FBXW11: variants seen among roughly 807,000 people sequenced by gnomAD.
The protein encoded by FBXW11 is F-box and WD repeat domain containing 11.
In FBXW11, 19 loss-of-function variants were observed where a neutral mutation model predicts 77.6. The ratio of observed to expected loss-of-function variants is 0.24; its 90% CI spans 0.17 to 0.36. The LOEUF (loss-of-function observed/expected upper bound fraction) is 0.36, where lower values mean the gene tolerates loss of function less well. Ranked by LOEUF, FBXW11 falls within the 10% of genes least tolerant of loss-of-function variation. The probability of loss-of-function intolerance (pLI) is 1.00; values close to 1 mark genes in which losing one functional copy is unlikely to be tolerated. For missense variants in FBXW11, 334 were observed against 704.2 expected (o/e 0.47, Z 5.95); for synonymous variants, 235 against 249.4 (o/e 0.94, Z 0.54).
intron 7 of FBXW11, among the ~76,000 whole-genome samples, chr5:171,885,074 A>AGG (rs1372133604): frequency 6.6e-6 from 1 of 152,162 alleles, no homozygotes; most frequent in Non-Finnish European, 1.5e-5. Flanking sequence ...CAAATGGATG[A>AGG]GGGGGCTGGA....
chr5:171,895,545 A>G (rs890552086), intron 6 of FBXW11, among the ~76,000 whole-genome samples: 19 of 152,206 alleles, frequency 1.2e-4, no homozygotes, highest in Non-Finnish European at 2.4e-4. Flanking sequence ...GGAGGCGTTA[A>G]TGCAATGAAT....
chr5:171,945,537 G>T (rs926804737), intron 2 of FBXW11, among the ~76,000 whole-genome samples: 4 of 152,144 alleles, frequency 2.6e-5, no homozygotes, highest in African/African-American at 9.7e-5. Flanking sequence ...AGTGAAGAAA[G>T]ATAATATATG....
chr5:171,967,995 T>C (rs895179514), intron 1 of FBXW11, among the ~76,000 whole-genome samples: 3 of 151,824 alleles, frequency 2.0e-5, no homozygotes, highest in African/African-American at 4.8e-5. Context: ...GATGAGGCCA[T>C]ACAATTGACA....
In FBXW11 at chr5:171,870,797, G is replaced by T; in HGVS notation, c.1402C>A (p.Arg468=). Residue 468 remains arginine (R), a synonymous_variant, in exon 11 of 14, where the codon CGA becomes AGA. Transcript: ENST00000517395. ...RVLEGHEELV[R]CIRFDNKRIV... is the part of the protein sequence containing the mutation. ...CTCTTGTTATCAAACCGGATGCATC[G>T]GACCAATTCTTCATGTCCCTCTAGG... The T allele has an allele frequency of 1.2e-6, 2 of 1,613,946 alleles. No homozygotes were observed. The highest frequency in any genetic ancestry group is 1.7e-6 in the Non-Finnish European group (2 of 1,179,888).
intron 2 of FBXW11, among the ~76,000 whole-genome samples, chr5:171,952,598 G>A (rs1406966730): frequency 6.7e-6 from 1 of 148,508 alleles, no homozygotes; most frequent in African/African-American, 2.5e-5. Flanking sequence ...GATTACAGGC[G>A]CCCATCATCA....
intron 1 of FBXW11, among the ~76,000 whole-genome samples, chr5:172,002,823 T>C (rs1034536637): frequency 2.7e-5 from 4 of 149,236 alleles, no homozygotes; most frequent in African/African-American, 1.0e-4. Flanking sequence ...CTCAGGCTCC[T>C]GAGTAGCAGG....
chr5:172,005,283 T>TG (rs1275919500), intron 1 of FBXW11, among the ~76,000 whole-genome samples: 1 of 152,210 alleles, frequency 6.6e-6, no homozygotes, highest in Non-Finnish European at 1.5e-5. Flanking sequence ...GGGAAGAAGT[T>TG]GTTACCGTGT....
chr5:172,006,349 G>T (rs1268104939), intron 1 of FBXW11, 109 bp downstream of exon 1: 1 of 987,376 alleles, frequency 1.0e-6, no homozygotes. Flanking sequence ...GGTCTGGGTC[G>T]AGGCGTCTGG....
intron 8 of FBXW11, among the ~76,000 whole-genome samples, chr5:171,877,603 G>C (rs192398191): frequency 6.6e-6 from 1 of 152,052 alleles, no homozygotes; most frequent in Non-Finnish European, 1.5e-5. Context: ...AGAAGCAGGG[G>C]TACGGAAGCA....
At chr5:171,980,375 G>T (rs1040109263) in intron 1 of FBXW11, among the ~76,000 whole-genome samples, 3 of 152,082 alleles carry the variant, frequency 2.0e-5, no homozygotes, top group African/African-American at 7.2e-5. Flanking sequence ...ATAAAAAATT[G>T]GACTTCATTA....
intron 2 of FBXW11, among the ~76,000 whole-genome samples, chr5:171,927,250 G>A (rs1353470577): frequency 6.6e-6 from 1 of 152,160 alleles, no homozygotes; most frequent in Non-Finnish European, 1.5e-5. Context: ...CTGATTTATG[G>A]TGATGATGCA....
At chr5:171,896,648 A>G (rs1004544125) in intron 6 of FBXW11, among the ~76,000 whole-genome samples, 1 of 152,190 alleles carries the variant, frequency 6.6e-6, no homozygotes, top group African/African-American at 2.4e-5. Context: ...AGCCCATCCC[A>G]TCTCTTCTAC....
chr5:171,876,336 T>C lies in FBXW11; in HGVS notation c.1170A>G (p.Val390=). 2 of 1,614,190 alleles carry C rather than the reference T, an allele frequency of 1.2e-6. No individual in the cohort carries two copies. The highest frequency in any genetic ancestry group is 1.7e-6 in the Non-Finnish European group (2 of 1,180,028). The change falls in exon 9 of 14, where the codon GTA becomes GTG. Residue 390 remains valine, a synonymous_variant. Coordinates refer to ENST00000517395, the MANE Select transcript of FBXW11 (RefSeq NM_001378974.1). This position sits in a 1 kb window ranked among gnomAD's most constrained non-coding sequence, Gnocchi z 4.2. ...ACACGATGTACTTGTCGTCAAAGTC[T>C]ACTACATTGACGGCAGCCCGGTGGC... ...LVGHRAAVNV[V]DFDDKYIVSA... is the part of the protein sequence containing the mutation.
chr5:171,936,073 T>C (rs927611318), intron 2 of FBXW11, among the ~76,000 whole-genome samples: 1 of 136,396 alleles, frequency 7.3e-6, no homozygotes, highest in African/African-American at 2.9e-5. Flanking sequence ...ATTGTGCCAC[T>C]GCACTCTAGC....
At chr5:171,931,814 CCTCT>C (rs145332377) in intron 2 of FBXW11, among the ~76,000 whole-genome samples, 151 of 133,458 alleles carry the variant, frequency 1.1e-3, no homozygotes, top group South Asian at 4.6e-3. Flanking sequence ...CTCTCTCTCT[CCTCT>C]CTCTCTCTCT....
chr5:171,913,190 C>T (rs1410807407), intron 3 of FBXW11, among the ~76,000 whole-genome samples: 1 of 152,098 alleles, frequency 6.6e-6, no homozygotes, highest in Non-Finnish European at 1.5e-5. Context: ...ATAATGATAA[C>T]AACTTGCATT....
chr5:171,892,867 C>A (rs534255494), intron 6 of FBXW11, among the ~76,000 whole-genome samples: 1 of 152,266 alleles, frequency 6.6e-6, no homozygotes, highest in East Asian at 1.9e-4. Context: ...TTCTGTACAG[C>A]TAAAAGTCTA....
chr5:171,996,701 C>G (rs1250989331), intron 1 of FBXW11, among the ~76,000 whole-genome samples: 3 of 152,114 alleles, frequency 2.0e-5, no homozygotes, highest in Non-Finnish European at 4.4e-5. Flanking sequence ...AAGTTTTTAC[C>G]AGGAATTCAG....
intron 1 of FBXW11, among the ~76,000 whole-genome samples, chr5:171,989,042 T>A (rs1421134924): frequency 6.6e-6 from 1 of 151,978 alleles, no homozygotes; most frequent in East Asian, 1.9e-4. Context: ...CCGGGCGTGG[T>A]GGTATGCACC....
Sources: gnomAD v4.1 joint callset for allele counts (sites outside exome capture counted in the v4.1 genomes callset) on GRCh38, gnomAD v4.1.1 for gene constraint, Gnocchi (gnomAD v3.1) non-coding constraint, MANE v1.5 for transcripts, NCBI Gene and HGNC (gene_info 2026-07-23, HGNC 2026-07-21) for gene names.